Variants in TMEM144 observed in about 807,000 individuals in gnomAD.
The protein encoded by TMEM144 is transmembrane protein 144.
TMEM144 carries 39 observed loss-of-function variants against 43.6 expected under a neutral mutation model. The observed-to-expected ratio is 0.90, with a 90% CI of 0.69 to 1.17. TMEM144 has a LOEUF of 1.17. Among genes scored for constraint, TMEM144 ranks in the 50% most tolerant of loss-of-function variants. The pLI is 0.00. For missense variants in TMEM144, 417 were observed against 411.9 expected (o/e 1.01, Z -0.11); for synonymous variants, 154 against 133.6 (o/e 1.15, Z -1.06).
At chr4:158,226,568 CT>C (rs1187253282) in intron 6 of TMEM144, among the ~76,000 whole-genome samples, 1 of 151,992 alleles carries the variant, frequency 6.6e-6, no homozygotes, top group Non-Finnish European at 1.5e-5. Flanking sequence ...TTTATGCCTT[CT>C]TATAATTCTT....
Position 158,254,766 on chromosome 4 carries a change from G to A in TMEM144, c.*1239G>A, listed in dbSNP as rs185536060. On this transcript the variant is annotated 3_prime_UTR_variant, in exon 13 of 13. Transcript: ENST00000296529. ...CTGTTTATTACTTTGCTATGCAGGA[G>A]AAACAAAACAGCTTTTTATTTGTGT... 1.3e-5 allele frequency: 2 copies of A among 152,222 alleles called. No individual in the cohort carries two copies. The highest frequency in any genetic ancestry group is 2.9e-5 in the Non-Finnish European group (2 of 68,014). The allele number at this position is 152,222 out of a possible 1,614,324, so 9.4% of individuals were successfully genotyped here. A position where few individuals can be genotyped will look rare whatever the true frequency, so the allele number is the denominator to read the frequency against.
intron 7 of TMEM144, chr4:158,233,208 T>A (rs1735170477): frequency 2.5e-6 from 1 of 395,868 alleles, no homozygotes; most frequent in Non-Finnish European, 4.6e-6. Flanking sequence ...GATTAACAGA[T>A]CTCTACTAGG....
At chr4:158,236,345 C>A (rs1735348142) in intron 8 of TMEM144, among the ~76,000 whole-genome samples, 1 of 152,152 alleles carries the variant, frequency 6.6e-6, no homozygotes, top group Non-Finnish European at 1.5e-5. Flanking sequence ...CAGAATAAAA[C>A]CAACCTTTCA....
At chr4:158,242,578 C>T (rs1477594248) in intron 11 of TMEM144, among the ~76,000 whole-genome samples, 1 of 152,028 alleles carries the variant, frequency 6.6e-6, no homozygotes, top group African/African-American at 2.4e-5. Context: ...TACATATTCC[C>T]ATAGTTATAT....
At chr4:158,219,965 T>C (rs1734430991) in intron 6 of TMEM144, among the ~76,000 whole-genome samples, 1 of 152,220 alleles carries the variant, frequency 6.6e-6, no homozygotes, top group Non-Finnish European at 1.5e-5. Flanking sequence ...GAAAATGACT[T>C]TGAATCTCTG....
At chr4:158,229,192 C>T (rs1325079316) in intron 6 of TMEM144, among the ~76,000 whole-genome samples, 1 of 152,122 alleles carries the variant, frequency 6.6e-6, no homozygotes, top group Non-Finnish European at 1.5e-5. Context: ...CGCTTCTCTT[C>T]CCTTTTCTGA....
chr4:158,220,313 G>A (rs1218306200), intron 6 of TMEM144, among the ~76,000 whole-genome samples: 3 of 152,134 alleles, frequency 2.0e-5, no homozygotes, highest in Non-Finnish European at 4.4e-5. Context: ...GCAATTTTAT[G>A]TATTTTGTAT....
intron 12 of TMEM144, among the ~76,000 whole-genome samples, chr4:158,245,930 C>CA (rs1339525976): frequency 1.3e-5 from 2 of 150,834 alleles, no homozygotes; most frequent in African/African-American, 4.9e-5. Flanking sequence ...CCTGTCTCCT[C>CA]AAAAAAGAAA....
chr4:158,212,627 C>T lies in TMEM144; in HGVS notation c.-41C>T. 6.9e-7 allele frequency: 1 copy of T among 1,440,874 alleles called. No homozygotes were observed. Among genetic ancestry groups the T allele is most frequent in the Non-Finnish European group, 9.5e-7 (1 of 1,054,762 alleles). 89.3% of individuals were successfully genotyped at this position (1,440,874 alleles called of 1,614,324 possible). On this transcript the variant is annotated 5_prime_UTR_variant, in exon 3 of 13. Transcript: ENST00000296529. ...TTTCAGAAGCTCCTGAAAAGTACATCAAGTCTAAAGTGAACCAGCTAACTC... is the reference window on the plus strand; with the variant it reads ...TTTCAGAAGCTCCTGAAAAGTACATTAAGTCTAAAGTGAACCAGCTAACTC...
At chr4:158,219,200 G>A in intron 5 of TMEM144, 110 bp from the exon 6 acceptor site, 1 of 987,734 alleles carries the variant, frequency 1.0e-6, no homozygotes, top group Non-Finnish European at 1.6e-6. Context: ...GCTAATAAGT[G>A]AGAGAGCTAG....
At chr4:158,244,738 A>G (rs1560840001) in intron 12 of TMEM144, among the ~76,000 whole-genome samples, 1 of 152,226 alleles carries the variant, frequency 6.6e-6, no homozygotes, top group Non-Finnish European at 1.5e-5. Flanking sequence ...TTATTATCTG[A>G]AAACTGCCTG....
chr4:158,251,559 T>C (rs1475228954), intron 12 of TMEM144, among the ~76,000 whole-genome samples: 1 of 152,210 alleles, frequency 6.6e-6, no homozygotes, highest in East Asian at 1.9e-4. Flanking sequence ...AAAAACAGCA[T>C]GTGGATCAAG....
intron 6 of TMEM144, among the ~76,000 whole-genome samples, chr4:158,220,908 G>C (rs73860310): frequency 4.9e-4 from 75 of 152,276 alleles, no homozygotes; most frequent in African/African-American, 1.8e-3. Context: ...TCTCTGCTAA[G>C]AGGAATTTCT....
intron 12 of TMEM144, among the ~76,000 whole-genome samples, chr4:158,245,789 G>A (rs1451055506): frequency 6.6e-6 from 1 of 152,072 alleles, no homozygotes; most frequent in Non-Finnish European, 1.5e-5. Flanking sequence ...TTAGCCAGGT[G>A]TGGTGAGGAA....
At chr4:158,241,830 T>C (rs1171404665) in intron 11 of TMEM144, among the ~76,000 whole-genome samples, 1 of 152,236 alleles carries the variant, frequency 6.6e-6, no homozygotes. Context: ...CCTTAATCTT[T>C]AATATCCTTG....
chr4:158,221,906 C>T (rs1156269661), intron 6 of TMEM144, among the ~76,000 whole-genome samples: 1 of 152,164 alleles, frequency 6.6e-6, no homozygotes, highest in African/African-American at 2.4e-5. Flanking sequence ...CCATTTGTTC[C>T]TTTCTCTTTG....
At chr4:158,235,804 C>T (rs938500533) in intron 8 of TMEM144, 9 of 250,756 alleles carry the variant, frequency 3.6e-5, no homozygotes, top group South Asian at 3.5e-4. Flanking sequence ...GAGGTAGTAA[C>T]GTGACCAACC....
At position 158,223,178 on chromosome 4, in the gene TMEM144, C is replaced by A. The variant is rs115884205; in HGVS notation, c.413+3788C>A. Among the ~76,000 whole-genome samples the A allele has an allele frequency of 4.5e-3, 684 of 152,284 alleles. 7 individuals are homozygous for A. The highest frequency in any genetic ancestry group is 0.016 in the African/African-American group (655 of 41,540). On this transcript the variant is annotated intron_variant, in intron 6 of 12. Transcript: ENST00000296529. ...TTCCTAATTTCTTTTTCATGCTCAG[C>A]ACCCCGTCACCTATCCATTTGGTAA...
chr4:158,228,231 T>C (rs1017384333), intron 6 of TMEM144, among the ~76,000 whole-genome samples: 3 of 151,304 alleles, frequency 2.0e-5, no homozygotes, highest in African/African-American at 7.3e-5. Flanking sequence ...AGACCAGTCC[T>C]GTCAAGTAAT....
Sources: allele counts gnomAD v4.1 joint callset (sites outside exome capture counted in the v4.1 genomes callset), GRCh38; gene constraint gnomAD v4.1.1; transcripts MANE v1.5; gene names NCBI Gene and HGNC (gene_info 2026-07-23, HGNC 2026-07-21).